Variants in ZNF609 observed in about 807,000 individuals in gnomAD.
ZNF609 encodes zinc finger protein 609.
A neutral mutation model predicts 109.5 loss-of-function variants in ZNF609; 11 were observed. The ratio of observed to expected loss-of-function variants is 0.10; its 90% CI spans 0.06 to 0.17. The LOEUF (loss-of-function observed/expected upper bound fraction) is 0.17. Among genes scored for constraint, ZNF609 ranks in the 10% least tolerant of loss-of-function variants. The pLI is 1.00. For missense variants in ZNF609, 1,559 were observed against 1,772.4 expected, an observed-to-expected ratio of 0.88 and a Z score of 2.16; for synonymous variants, 646 against 662.0, an observed-to-expected ratio of 0.98 and a Z score of 0.37.
chr15:64,678,728 C>T (rs1017963297), intron 6 of ZNF609, among the ~76,000 whole-genome samples: 1 of 152,210 alleles, frequency 6.6e-6, no homozygotes, highest in Admixed American at 6.5e-5. Flanking sequence ...TCTCTGTAGT[C>T]AGTTTTCATT....
chr15:64,645,235 C>T (rs945664005), intron 3 of ZNF609, among the ~76,000 whole-genome samples: 3 of 151,732 alleles, frequency 2.0e-5, no homozygotes, highest in Admixed American at 1.3e-4. Context: ...AGACTACAGG[C>T]GTGTGCCACC....
intron 2 of ZNF609, among the ~76,000 whole-genome samples, chr15:64,562,872 AGTGT>A (rs6145601): frequency 0.023 from 3,456 of 149,042 alleles, 149 homozygotes; most frequent in South Asian, 0.21. Flanking sequence ...GGTAAGCGTG[AGTGT>A]GTGTGTGTGT....
intron 2 of ZNF609, among the ~76,000 whole-genome samples, chr15:64,618,383 A>G (rs1288616197): frequency 2.6e-5 from 4 of 152,154 alleles, no homozygotes; most frequent in African/African-American, 9.7e-5. Flanking sequence ...CTAGGGGTGA[A>G]TGCTTACATC....
At chr15:64,537,843 T>C (rs1446281764) in intron 2 of ZNF609, among the ~76,000 whole-genome samples, 2 of 152,076 alleles carry the variant, frequency 1.3e-5, no homozygotes, top group Admixed American at 1.3e-4. Context: ...TCGCCTGTAA[T>C]CCCAGCACTT....
At chr15:64,472,433 G>A (rs184853435) in intron 1 of ZNF609, among the ~76,000 whole-genome samples, 47 of 152,332 alleles carry the variant, frequency 3.1e-4, no homozygotes, top group African/African-American at 1.1e-3. Flanking sequence ...AAAGACAGCA[G>A]TGTCTGCTCT....
chr15:64,482,151 C>G (rs1447249318), intron 1 of ZNF609, among the ~76,000 whole-genome samples: 2 of 152,142 alleles, frequency 1.3e-5, no homozygotes, highest in Non-Finnish European at 2.9e-5. Flanking sequence ...ACTACTTAAT[C>G]ATGGTGTGAA....
At chr15:64,517,657 C>T (rs1893832990) in intron 2 of ZNF609, among the ~76,000 whole-genome samples, 1 of 151,804 alleles carries the variant, frequency 6.6e-6, no homozygotes, top group Non-Finnish European at 1.5e-5. Context: ...TTCCTGTGAG[C>T]CCAGGAGTTC....
chr15:64,653,878 T>C (rs1485401733), intron 3 of ZNF609, among the ~76,000 whole-genome samples: 1 of 152,156 alleles, frequency 6.6e-6, no homozygotes, highest in Non-Finnish European at 1.5e-5. Flanking sequence ...TATAAAAAAT[T>C]GGTAGCAAAG....
At chr15:64,664,028 G>A (rs1896613999) in intron 3 of ZNF609, among the ~76,000 whole-genome samples, 1 of 152,106 alleles carries the variant, frequency 6.6e-6, no homozygotes, top group Non-Finnish European at 1.5e-5. Flanking sequence ...AGGACTTCGA[G>A]ACCAGCCTGA....
chr15:64,467,032 C>T (rs1278928996), intron 1 of ZNF609, among the ~76,000 whole-genome samples: 3 of 152,204 alleles, frequency 2.0e-5, no homozygotes, highest in Admixed American at 2.0e-4. Context: ...CAAGGCAGAA[C>T]TCCAGATCCA....
chr15:64,641,007 T>A (rs948027090), intron 3 of ZNF609, among the ~76,000 whole-genome samples: 1 of 152,166 alleles, frequency 6.6e-6, no homozygotes, highest in Non-Finnish European at 1.5e-5. Context: ...TACTGGTTAT[T>A]CCACTTTGGC....
intron 2 of ZNF609, among the ~76,000 whole-genome samples, chr15:64,565,466 C>T (rs1894761544): frequency 6.6e-6 from 1 of 152,062 alleles, no homozygotes; most frequent in Non-Finnish European, 1.5e-5. Flanking sequence ...AAACTAAGTA[C>T]TATTGATAAT....
intron 2 of ZNF609, among the ~76,000 whole-genome samples, chr15:64,577,088 A>C (rs558634461): frequency 2.5e-5 from 3 of 122,328 alleles, no homozygotes; most frequent in Admixed American, 9.5e-5. Context: ...ATATATACAT[A>C]TATGTATATA....
chr15:64,604,329 G>C lies in ZNF609; in HGVS notation c.748-18498G>C, dbSNP rs572398732. 6.6e-4 allele frequency among the ~76,000 whole-genome samples: 100 copies of C among 152,266 alleles called. 1 individual carries two copies. Among genetic ancestry groups the C allele is most frequent in the Non-Finnish European group, 1.3e-3 (90 of 68,018 alleles). On this transcript the variant is annotated intron_variant, in intron 2 of 9. Coordinates refer to ENST00000326648, the MANE Select transcript of ZNF609 (RefSeq NM_015042.2). ...TCTCTCTCCCCTTTTTCCCCCAATA[G>C]AGTTGTTAGGTGGGTAGATTGGAGT... is the stretch of plus-strand genomic sequence containing the variant.
Position 64,632,709 on chromosome 15 carries a change from C to T in ZNF609, c.973+9657C>T, listed in dbSNP as rs781659894. 2.8e-4 allele frequency among the ~76,000 whole-genome samples: 42 copies of T among 152,050 alleles called. 1 individual carries two copies. The highest frequency in any genetic ancestry group is 1.9e-4 in the East Asian group (1 of 5,192). On this transcript the variant is annotated intron_variant, in intron 3 of 9. Coordinates refer to ENST00000326648, the MANE Select transcript of ZNF609 (RefSeq NM_015042.2). ...TAGTCTGGAACTCCTGACCTCAGGTCTGCCTGCCTTGGCCTCCCAAAGTGC... is the reference window on the plus strand; with the variant it reads ...TAGTCTGGAACTCCTGACCTCAGGTTTGCCTGCCTTGGCCTCCCAAAGTGC...
chr15:64,502,581 C>T (rs564813186), intron 2 of ZNF609: 1 of 152,188 alleles, frequency 6.6e-6, no homozygotes, highest in East Asian at 1.9e-4. Context: ...TGGTTTGGGA[C>T]GTTTCTATGT....
chr15:64,526,980 ACT>A (rs1893975862), intron 2 of ZNF609, among the ~76,000 whole-genome samples: 1 of 152,032 alleles, frequency 6.6e-6, no homozygotes, highest in Non-Finnish European at 1.5e-5. Flanking sequence ...GAACATTTAT[ACT>A]GTAGTTAGAG....
At chr15:64,681,215 A>ATTTT in intron 8 of ZNF609, 94 bp from the exon 9 acceptor site, 1 of 1,091,296 alleles carries the variant, frequency 9.2e-7, no homozygotes, top group Non-Finnish European at 1.4e-6. Flanking sequence ...TGAGTATCAG[A>ATTTT]TTTTTTTTTC....
At chr15:64,668,038 T>A (rs914950466) in intron 3 of ZNF609, among the ~76,000 whole-genome samples, 1 of 152,228 alleles carries the variant, frequency 6.6e-6, no homozygotes, top group Non-Finnish European at 1.5e-5. Context: ...TAAATTTCAC[T>A]GTGGCATAGG....
Sources: gnomAD v4.1 joint callset for allele counts (sites outside exome capture counted in the v4.1 genomes callset) on GRCh38, gnomAD v4.1.1 for gene constraint, MANE v1.5 for transcripts, NCBI Gene and HGNC (gene_info 2026-07-23, HGNC 2026-07-21) for gene names.